NEBL: variants seen among roughly 807,000 people sequenced by gnomAD.
NEBL encodes the protein nebulette.
A neutral mutation model predicts 140.2 loss-of-function variants in NEBL; 122 were observed. That is an observed-to-expected ratio of 0.87 (90% CI 0.75 to 1.01). The LOEUF (loss-of-function observed/expected upper bound fraction) is 1.01, where lower values mean the gene tolerates loss of function less well. NEBL is among the 50% of genes least tolerant of loss of function. The pLI, the probability that NEBL is intolerant of heterozygous loss-of-function variation, is 0.00. For synonymous variants in NEBL, 436 were observed against 398.9 expected (o/e 1.09, Z -1.11); for missense variants, 1,365 against 1,231.3 (o/e 1.11, Z -1.62).
intron 2 of NEBL, among the ~76,000 whole-genome samples, chr10:21,041,630 T>C (rs1321596046): frequency 6.6e-6 from 1 of 152,202 alleles, no homozygotes; most frequent in Non-Finnish European, 1.5e-5. Context: ...CTATATGGCA[T>C]TCCCTCTACT....
At chr10:21,128,427 T>C (rs1163502316) in intron 2 of NEBL, among the ~76,000 whole-genome samples, 1 of 152,126 alleles carries the variant, frequency 6.6e-6, no homozygotes, top group Non-Finnish European at 1.5e-5. Flanking sequence ...GCATTTCAAA[T>C]ACTCATGTAC....
At chr10:21,002,732 C>G (rs1053642329) in intron 3 of NEBL, among the ~76,000 whole-genome samples, 1 of 152,060 alleles carries the variant, frequency 6.6e-6, no homozygotes. Context: ...TTTTAAACAA[C>G]CAGATCTCGG....
chr10:21,210,179 G>T (rs1841893748), intron 3 of NEBL, among the ~76,000 whole-genome samples: 1 of 152,100 alleles, frequency 6.6e-6, no homozygotes, highest in Non-Finnish European at 1.5e-5. Context: ...ATCACCTGAG[G>T]TCAGGAATTT....
At chr10:21,292,451 G>A (rs1363613994) in intron 1 of NEBL, among the ~76,000 whole-genome samples, 13 of 152,292 alleles carry the variant, frequency 8.5e-5, no homozygotes, top group Middle Eastern at 3.4e-3. Flanking sequence ...GGAAGAAAAT[G>A]TATGGCTGGG....
chr10:20,870,933 A>G (rs1844864012), intron 5 of NEBL, among the ~76,000 whole-genome samples: 1 of 152,234 alleles, frequency 6.6e-6, no homozygotes, highest in South Asian at 2.1e-4. Flanking sequence ...ATAATGTCCG[A>G]TGGCCCATGT....
rs567353944 is a variant in NEBL, at chr10:21,078,879, A to G, written c.165-58678T>C. On this transcript the variant is annotated intron_variant, in intron 2 of 6. Coordinates refer to the NEBL transcript ENST00000417816. ...TGGCTGCCACTTGGTGGCACTGTTG[A>G]TTCCAGTTTGCTCCCAGATCCAGGG... Among the ~76,000 whole-genome samples, 545 of 152,308 alleles carry G rather than the reference A, an allele frequency of 3.6e-3. 5 individuals carry two copies. The highest frequency in any genetic ancestry group is 4.6e-3 in the Non-Finnish European group (313 of 68,026).
chr10:21,188,125 A>C (rs976132264), intron 3 of NEBL, among the ~76,000 whole-genome samples: 2 of 152,042 alleles, frequency 1.3e-5, no homozygotes, highest in African/African-American at 4.8e-5. Flanking sequence ...CTTTACCTAC[A>C]TTTCTGTCTC....
intron 3 of NEBL, among the ~76,000 whole-genome samples, chr10:21,227,721 T>G (rs1842181955): frequency 1.4e-5 from 1 of 69,378 alleles, no homozygotes; most frequent in Non-Finnish European, 3.3e-5. Context: ...TTTCTTCTTC[T>G]TCTTCTTCTT....
chr10:20,970,660 A>T (rs1402925437), intron 3 of NEBL, among the ~76,000 whole-genome samples: 1 of 152,102 alleles, frequency 6.6e-6, no homozygotes, highest in Admixed American at 6.5e-5. Flanking sequence ...AAAAAAAAAA[A>T]TTAATAGAAT....
At chr10:21,026,534 T>C (rs532143636) in intron 2 of NEBL, among the ~76,000 whole-genome samples, 8 of 152,302 alleles carry the variant, frequency 5.3e-5, no homozygotes, top group Admixed American at 4.6e-4. Flanking sequence ...TCTTTTGCCA[T>C]ATTCTAAATC....
intron 3 of NEBL, among the ~76,000 whole-genome samples, chr10:20,968,476 A>ACTC (rs548149136): frequency 1.3e-5 from 2 of 152,276 alleles, no homozygotes; most frequent in South Asian, 4.1e-4. Context: ...ACACCATTGC[A>ACTC]CTCCAGCCTG....
chr10:20,974,341 C>T (rs781283255), intron 3 of NEBL, among the ~76,000 whole-genome samples: 5 of 150,868 alleles, frequency 3.3e-5, no homozygotes, highest in East Asian at 2.0e-4. Flanking sequence ...GCAGCCTCAA[C>T]GTCTTGGGCT....
At chr10:20,963,249 T>C (rs1265681431) in intron 3 of NEBL, among the ~76,000 whole-genome samples, 1 of 152,204 alleles carries the variant, frequency 6.6e-6, no homozygotes, top group African/African-American at 2.4e-5. Context: ...AAGATCCACA[T>C]GCTGGCACAT....
intron 2 of NEBL, among the ~76,000 whole-genome samples, chr10:21,154,931 T>G (rs1440151775): frequency 6.6e-6 from 1 of 152,234 alleles, no homozygotes; most frequent in East Asian, 1.9e-4. Context: ...CTGGGCGTAG[T>G]GGCTCACGCC....
chr10:20,966,303 A>G (rs74120575), intron 3 of NEBL, among the ~76,000 whole-genome samples: 2,296 of 152,342 alleles, frequency 0.015, 45 homozygotes, highest in African/African-American at 0.051. Flanking sequence ...GCAAGAATCA[A>G]GAAACCTGAA....
chr10:21,002,701 G>A (rs3858199), intron 3 of NEBL, among the ~76,000 whole-genome samples: 44,337 of 151,798 alleles, frequency 0.29, 7,451 homozygotes, highest in African/African-American at 0.46. Flanking sequence ...GAGAGCGAGC[G>A]AAGGGGGAAG....
At chr10:20,820,729 GC>G (rs1184124616) in intron 19 of NEBL, among the ~76,000 whole-genome samples, 2 of 152,116 alleles carry the variant, frequency 1.3e-5, no homozygotes, top group African/African-American at 4.8e-5. Flanking sequence ...GGAGGCTGAG[GC>G]AGGAGAATTG....
chr10:20,871,840 G>A (rs1588893418), intron 5 of NEBL, among the ~76,000 whole-genome samples: 1 of 151,896 alleles, frequency 6.6e-6, no homozygotes, highest in South Asian at 2.1e-4. Context: ...TTTTAAGCAG[G>A]CCAATTCCAT....
chr10:21,219,609 G>C (rs1412191684), intron 3 of NEBL, among the ~76,000 whole-genome samples: 2 of 152,088 alleles, frequency 1.3e-5, no homozygotes, highest in Non-Finnish European at 2.9e-5. Flanking sequence ...TGAATTCTAG[G>C]ACTGTTTTTT....
Sources: allele counts gnomAD v4.1 joint callset (sites outside exome capture counted in the v4.1 genomes callset), GRCh38; gene constraint gnomAD v4.1.1; transcripts MANE v1.5; gene names NCBI Gene and HGNC (gene_info 2026-07-23, HGNC 2026-07-21).